Variants in NEURL1 observed in about 807,000 individuals in gnomAD.
NEURL1 encodes neuralized E3 ubiquitin protein ligase 1.
NEURL1 carries 26 observed loss-of-function variants against 41.2 expected under a neutral mutation model. That is an observed-to-expected ratio of 0.63 (90% CI 0.46 to 0.87). The LOEUF is 0.87. NEURL1 is among the 40% of genes least tolerant of loss of function. NEURL1 has a pLI of 0.00. For synonymous variants in NEURL1, 400 were observed against 402.3 expected, an observed-to-expected ratio of 0.99 and a Z score of 0.07; for missense variants, 761 against 871.1, an observed-to-expected ratio of 0.87 and a Z score of 1.59.
intron 1 of NEURL1, among the ~76,000 whole-genome samples, chr10:103,504,449 G>A (rs1441407317): frequency 1.3e-5 from 2 of 152,142 alleles, no homozygotes; most frequent in Non-Finnish European, 2.9e-5. Context: ...TGATTAGATT[G>A]CGGTTTTAGG....
chr10:103,531,920 T>C (rs993677033), intron 1 of NEURL1, among the ~76,000 whole-genome samples: 2 of 152,250 alleles, frequency 1.3e-5, no homozygotes, highest in Non-Finnish European at 2.9e-5. Flanking sequence ...CTTGCTGAAT[T>C]GATCCCTTTA....
chr10:103,584,378 C>T (rs1461938691), intron 3 of NEURL1, among the ~76,000 whole-genome samples, 158 bp from the exon 4 acceptor site: 1 of 152,212 alleles, frequency 6.6e-6, no homozygotes, highest in East Asian at 1.9e-4. Context: ...CTGCAAGAGT[C>T]GTTTCTTGAC....
chr10:103,585,283 G>T, intron 4 of NEURL1, 58 bp downstream of exon 4: 1 of 1,386,350 alleles, frequency 7.2e-7, no homozygotes, highest in Non-Finnish European at 9.5e-7. Context: ...GGACGATCCG[G>T]GTAGGAGACA....
intron 1 of NEURL1, among the ~76,000 whole-genome samples, chr10:103,569,549 C>T (rs2035493842): frequency 6.6e-6 from 1 of 152,216 alleles, no homozygotes; most frequent in African/African-American, 2.4e-5. Context: ...TAGCCAGTGC[C>T]ACTCTCTGCC....
intron 1 of NEURL1, among the ~76,000 whole-genome samples, chr10:103,522,427 A>G (rs147654897): frequency 0.013 from 1,937 of 150,294 alleles, 33 homozygotes; most frequent in African/African-American, 0.044. Flanking sequence ...GACCAACGTG[A>G]AGAAACCCCA....
At chr10:103,494,961 G>T (rs2033648983) in intron 1 of NEURL1, among the ~76,000 whole-genome samples, 1 of 152,194 alleles carries the variant, frequency 6.6e-6, no homozygotes, top group Admixed American at 6.5e-5. Context: ...CAGAGCTGCT[G>T]GTTCCTGGGG....
At chr10:103,574,998 T>C (rs2035629287) in intron 3 of NEURL1, among the ~76,000 whole-genome samples, 2 of 152,144 alleles carry the variant, frequency 1.3e-5, no homozygotes, top group Admixed American at 1.3e-4. Flanking sequence ...AATTTTTTTT[T>C]TTTTTGGTAA....
In NEURL1 at chr10:103,566,468, C is replaced by T. The variant is rs1185803233; in HGVS notation, c.86-4404C>T. The stretch of plus-strand genomic sequence containing the variant: ...ACGGATGGAATCGTACAGCATACAG[C>T]CCTTTGCATCTGGCTTCTTTCACAT... On this transcript the variant is annotated intron_variant, in intron 1 of 5. Transcript: ENST00000369780. The surrounding 1 kb of genome is among the most constrained non-coding windows in gnomAD (Gnocchi z 4.2). Among the ~76,000 whole-genome samples the T allele has an allele frequency of 1.3e-5, 2 of 152,200 alleles. No individual in the cohort carries two copies. Among genetic ancestry groups the T allele is most frequent in the African/African-American group, 4.8e-5 (2 of 41,450 alleles).
At chr10:103,540,734 TG>T (rs2034804224) in intron 1 of NEURL1, among the ~76,000 whole-genome samples, 3 of 152,236 alleles carry the variant, frequency 2.0e-5, no homozygotes, top group Admixed American at 2.0e-4. Context: ...TTCTTGTTGA[TG>T]GAGGGTGATT....
At chr10:103,503,956 G>A (rs1026725673) in intron 1 of NEURL1, among the ~76,000 whole-genome samples, 1 of 132,230 alleles carries the variant, frequency 7.6e-6, no homozygotes, top group African/African-American at 2.8e-5. Flanking sequence ...TGCCTGGCTA[G>A]TATTTTATTT....
rs146662902 is a variant in NEURL1, at chr10:103,582,607, GAAAGA to G, written c.650-1923_650-1919del. On this transcript the variant is annotated intron_variant, in intron 3 of 5. Coordinates refer to ENST00000369780, the MANE Select transcript of NEURL1 (RefSeq NM_004210.5). The stretch of plus-strand genomic sequence containing the variant: ...TTCCTGGAAGGGGCAGTGAAAGGGT[GAAAGA>G]AAAGAGGGAGGTTTAGTGACCATGT... 9.2e-3 allele frequency among the ~76,000 whole-genome samples: 1,395 copies of G among 152,272 alleles called. 22 individuals are homozygous for G. The highest frequency in any genetic ancestry group is 0.032 in the African/African-American group (1,323 of 41,546).
At chr10:103,588,235 G>A (rs896304047) in intron 4 of NEURL1, among the ~76,000 whole-genome samples, 3 of 151,758 alleles carry the variant, frequency 2.0e-5, no homozygotes, top group Non-Finnish European at 4.4e-5. Context: ...GAACCCGGGA[G>A]GTGGAGCTTG....
chr10:103,550,421 C>T (rs574820198), intron 1 of NEURL1: 2 of 152,482 alleles, frequency 1.3e-5, no homozygotes, highest in East Asian at 3.9e-4. Flanking sequence ...AGACCAGGCC[C>T]CCAGGGGCAC....
intron 1 of NEURL1, among the ~76,000 whole-genome samples, chr10:103,506,652 C>T (rs550609334): frequency 2.0e-5 from 3 of 151,756 alleles, no homozygotes; most frequent in Non-Finnish European, 2.9e-5. Context: ...CTCCACCTCC[C>T]GGGTTCAAGC....
intron 1 of NEURL1, among the ~76,000 whole-genome samples, chr10:103,557,124 CT>C (rs1266235316): frequency 6.6e-6 from 1 of 152,148 alleles, no homozygotes; most frequent in Non-Finnish European, 1.5e-5. Context: ...TAATAGCACC[CT>C]CCTTCTAAGA....
Position 103,558,359 on chromosome 10 carries a change from T to A in NEURL1, c.86-12513T>A. The A allele has an allele frequency of 2.1e-6, 1 of 465,952 alleles. No individual in the cohort carries two copies. Among genetic ancestry groups the A allele is most frequent in the Non-Finnish European group, 2.8e-6 (1 of 355,260 alleles). 28.9% of individuals were successfully genotyped at this position (465,952 alleles called of 1,614,324 possible). ...GTTTTGGCTCTCTGAGCTTCTGATG[T>A]CAACAGATGTGTATCTGTGTTTTAG... On this transcript the variant is annotated intron_variant, in intron 1 of 5. Transcript: ENST00000369780. The surrounding 1 kb of genome is among the most constrained non-coding windows in gnomAD (Gnocchi z 4.2).
intron 3 of NEURL1, among the ~76,000 whole-genome samples, chr10:103,581,110 G>A (rs1303506281): frequency 6.6e-6 from 1 of 152,146 alleles, no homozygotes; most frequent in African/African-American, 2.4e-5. Context: ...CTGGGTGCTG[G>A]GGGTGGTCCC....
intron 1 of NEURL1, among the ~76,000 whole-genome samples, chr10:103,526,614 T>G (rs754091927): frequency 1.3e-5 from 2 of 152,112 alleles, no homozygotes; most frequent in Non-Finnish European, 1.5e-5. Flanking sequence ...TGGTTTCAAG[T>G]GATTCTCCGG....
intron 1 of NEURL1, among the ~76,000 whole-genome samples, chr10:103,559,827 CATGCACACACATAT>C (rs1430904042): frequency 3.3e-5 from 5 of 149,378 alleles, no homozygotes; most frequent in Non-Finnish European, 7.4e-5. Flanking sequence ...CTTGCCAGTG[CATGCACACACATAT>C]GTGCGCACAC....
Sources: allele counts gnomAD v4.1 joint callset (sites outside exome capture counted in the v4.1 genomes callset), GRCh38; gene constraint gnomAD v4.1.1; non-coding constraint Gnocchi (gnomAD v3.1); transcripts MANE v1.5; gene names NCBI Gene and HGNC (gene_info 2026-07-23, HGNC 2026-07-21).